Variants in DTNB observed in about 807,000 individuals in gnomAD.
DTNB encodes DTN-B.
Under a neutral mutation model 90.7 loss-of-function variants are expected in DTNB, and 63 were observed. The observed-to-expected ratio is 0.69, with a 90% CI of 0.57 to 0.86. The LOEUF (loss-of-function observed/expected upper bound fraction) is 0.86, where lower values mean the gene tolerates loss of function less well. DTNB is among the 40% of genes least tolerant of loss of function. The pLI, the probability that DTNB is intolerant of heterozygous loss-of-function variation, is 0.00. For missense variants in DTNB, 744 were observed against 807.1 expected (o/e 0.92, Z 0.95); for synonymous variants, 277 against 286.7 (o/e 0.97, Z 0.34).
intron 3 of DTNB, among the ~76,000 whole-genome samples, chr2:25,634,422 G>A (rs1348024344): frequency 3.4e-5 from 5 of 148,918 alleles, no homozygotes; most frequent in Non-Finnish European, 7.5e-5. Flanking sequence ...CGCCCCGTCC[G>A]GGAGGGAGGT....
intron 6 of DTNB, among the ~76,000 whole-genome samples, chr2:25,594,223 A>G (rs1342580840): frequency 3.9e-5 from 6 of 152,186 alleles, no homozygotes; most frequent in Admixed American, 6.5e-5. Context: ...TTCGGGGGGG[A>G]AAATGTGAAC....
chr2:25,556,402 A>G (rs1408921963), intron 8 of DTNB, among the ~76,000 whole-genome samples: 1 of 152,040 alleles, frequency 6.6e-6, no homozygotes, highest in Non-Finnish European at 1.5e-5. Context: ...CCTTGCCAAA[A>G]CTGAATATTA....
At chr2:25,503,997 G>A (rs1191071428) in intron 9 of DTNB, among the ~76,000 whole-genome samples, 1 of 152,188 alleles carries the variant, frequency 6.6e-6, no homozygotes, top group Non-Finnish European at 1.5e-5. Context: ...GCTGGGCGCA[G>A]TGGCTCACGC....
At chr2:25,594,934 C>T (rs1329932702) in intron 6 of DTNB, 3 of 152,212 alleles carry the variant, frequency 2.0e-5, no homozygotes, top group East Asian at 1.9e-4. Flanking sequence ...GTCCCAATAA[C>T]GTCCGTTATA....
At chr2:25,560,934 T>A (rs1034883472) in intron 8 of DTNB, among the ~76,000 whole-genome samples, 2 of 152,198 alleles carry the variant, frequency 1.3e-5, no homozygotes, top group Admixed American at 6.5e-5. Context: ...ATGTCCTCTC[T>A]GAATTCTTCT....
chr2:25,645,155 G>A (rs954338792), intron 2 of DTNB, among the ~76,000 whole-genome samples: 3 of 152,166 alleles, frequency 2.0e-5, no homozygotes, highest in Non-Finnish European at 4.4e-5. Flanking sequence ...GGCTGAGGCA[G>A]GCAGATCACT....
chr2:25,415,654 A>C (rs1045051446), intron 16 of DTNB, among the ~76,000 whole-genome samples: 1 of 152,156 alleles, frequency 6.6e-6, no homozygotes, highest in Non-Finnish European at 1.5e-5. Context: ...AGAGGGGCTA[A>C]AGATTGAGTT....
intron 10 of DTNB, among the ~76,000 whole-genome samples, chr2:25,473,993 C>T (rs541153000): frequency 1.4e-4 from 21 of 152,210 alleles, no homozygotes; most frequent in South Asian, 8.3e-4. Flanking sequence ...CAGTCCAACG[C>T]GAAGAAGAAA....
At chr2:25,455,774 C>T (rs1235365340) in intron 10 of DTNB, among the ~76,000 whole-genome samples, 4 of 152,154 alleles carry the variant, frequency 2.6e-5, no homozygotes, top group South Asian at 2.1e-4. Context: ...GCAGGGGAGC[C>T]GCATGTACCA....
At chr2:25,634,413 G>A (rs575742742) in intron 3 of DTNB, among the ~76,000 whole-genome samples, 34,936 of 91,128 alleles carry the variant, frequency 0.38, 8,251 homozygotes, top group East Asian at 0.74. Flanking sequence ...CCGGCCACCC[G>A]CCCCGTCCGG....
Position 25,535,067 on chromosome 2 carries a change from A to G in DTNB, c.877-3470T>C, listed in dbSNP as rs538264137. Among the ~76,000 whole-genome samples the G allele has an allele frequency of 1.8e-4, 26 of 148,064 alleles. No individual in the cohort carries two copies. In the South Asian group the frequency reaches 5.6e-3, roughly 32 times the overall value. The stretch of plus-strand genomic sequence containing the variant: ...CGGGCAGAGGCGCTCCTCACCTCCC[A>G]GACGGGGTGGCCGTGCAGAGGTGCT... On this transcript the variant is annotated intron_variant, in intron 8 of 20. Coordinates refer to ENST00000406818, the MANE Select transcript of DTNB (RefSeq NM_021907.5).
chr2:25,431,038 C>A (rs746732724), intron 14 of DTNB, among the ~76,000 whole-genome samples: 2 of 152,162 alleles, frequency 1.3e-5, no homozygotes, highest in Non-Finnish European at 2.9e-5. Context: ...CAAAACCAGA[C>A]AGATGTCAGA....
chr2:25,446,339 C>T (rs2058424374), intron 12 of DTNB, among the ~76,000 whole-genome samples: 1 of 152,152 alleles, frequency 6.6e-6, no homozygotes. Context: ...TGGGCTCAAG[C>T]AATTCTCCCA....
intron 9 of DTNB, among the ~76,000 whole-genome samples, chr2:25,509,095 T>C (rs2073291146): frequency 1.3e-5 from 2 of 152,218 alleles, no homozygotes; most frequent in African/African-American, 2.4e-5. Context: ...CACAATCACG[T>C]CATCTATGAA....
chr2:25,566,370 C>G (rs1486880528), intron 8 of DTNB, among the ~76,000 whole-genome samples: 1 of 152,144 alleles, frequency 6.6e-6, no homozygotes, highest in Admixed American at 6.5e-5. Flanking sequence ...ACTGACACTT[C>G]GATTTCAGCT....
chr2:25,432,479 A>G (rs2054232083), intron 14 of DTNB, among the ~76,000 whole-genome samples: 1 of 152,220 alleles, frequency 6.6e-6, no homozygotes, highest in African/African-American at 2.4e-5. Context: ...CCTTCGGCAG[A>G]GCCCTGCATT....
At chr2:25,380,353 C>T (rs2037288778) in intron 19 of DTNB, among the ~76,000 whole-genome samples, 1 of 152,158 alleles carries the variant, frequency 6.6e-6, no homozygotes, top group Non-Finnish European at 1.5e-5. Context: ...TCAGGAGGTC[C>T]ACCCATAAAA....
chr2:25,405,934 G>T (rs1165868556), intron 16 of DTNB, among the ~76,000 whole-genome samples: 1 of 152,198 alleles, frequency 6.6e-6, no homozygotes, highest in Non-Finnish European at 1.5e-5. Context: ...CCAAAACCCG[G>T]TGACAGATAA....
chr2:25,460,800 A>G (rs558273535), intron 10 of DTNB, among the ~76,000 whole-genome samples: 3 of 152,154 alleles, frequency 2.0e-5, no homozygotes, highest in Non-Finnish European at 4.4e-5. Context: ...CAGAAATTGA[A>G]GTTTCTTTCT....
Sources: allele counts gnomAD v4.1 joint callset (sites outside exome capture counted in the v4.1 genomes callset), GRCh38; gene constraint gnomAD v4.1.1; transcripts MANE v1.5; gene names NCBI Gene and HGNC (gene_info 2026-07-23, HGNC 2026-07-21).